The following CAPN1 variants were observed in gnomAD, a reference collection of about 807,000 sequenced individuals.
CAPN1 encodes the protein calpain-1 catalytic subunit.
A neutral mutation model predicts 105.2 loss-of-function variants in CAPN1; 77 were observed. The ratio of observed to expected loss-of-function variants is 0.73; its 90% CI spans 0.61 to 0.88. The LOEUF is 0.88. Among genes scored for constraint, CAPN1 ranks in the 40% least tolerant of loss-of-function variants. The pLI, the probability that CAPN1 is intolerant of heterozygous loss-of-function variation, is 0.00. For synonymous variants in CAPN1, 355 were observed against 388.8 expected, an observed-to-expected ratio of 0.91 and a Z score of 1.02; for missense variants, 833 against 976.6, an observed-to-expected ratio of 0.85 and a Z score of 1.96.
rs75873264 is a variant in CAPN1, at chr11:65,183,322, G to C, written c.337+125G>C. ...AGGCAGGATCTGGCTATCAGCGCTG[G>C]GGCTGGTTTGCCCAGATTCCTGGGT... On this transcript the variant is annotated intron_variant, in intron 3 of 21. Transcript: ENST00000279247. The C allele has an allele frequency of 6.9e-4, 807 of 1,163,098 alleles. 11 individuals are homozygous for C. In the East Asian group the frequency reaches 0.018, roughly 27 times the overall value. The allele number at this position is 1,163,098 out of a possible 1,614,324, so 72.0% of individuals were successfully genotyped here. A position where few individuals can be genotyped will look rare whatever the true frequency, so the allele number is the denominator to read the frequency against.
At chr11:65,184,426 A>G (rs1012588255) in intron 4 of CAPN1, among the ~76,000 whole-genome samples, 2 of 146,474 alleles carry the variant, frequency 1.4e-5, no homozygotes, top group Non-Finnish European at 3.0e-5. Flanking sequence ...CCAGTTCAGT[A>G]CCCGCCACCC....
chr11:65,187,033 CT>C lies in CAPN1; in HGVS notation c.760-181del, dbSNP rs17884384. 7.3e-4 allele frequency among the ~76,000 whole-genome samples: 111 copies of C among 152,316 alleles called. 1 individual carries two copies. The South Asian group carries it at 0.022, about 30-fold the overall frequency. On this transcript the variant is annotated intron_variant, in intron 6 of 21. Transcript: ENST00000279247. Reference sequence around the variant, plus strand: ...CATTGGTGGGGTACCCAGGCTACCCCTCTCCAAAAGAGCAGCATCTATATGT... The same window carrying C: ...CATTGGTGGGGTACCCAGGCTACCCCCTCCAAAAGAGCAGCATCTATATGT...
At chr11:65,201,920 T>C (rs1469120846) in intron 10 of CAPN1, among the ~76,000 whole-genome samples, 1 of 151,824 alleles carries the variant, frequency 6.6e-6, no homozygotes, top group Non-Finnish European at 1.5e-5. Context: ...CCTCCCGGGT[T>C]CAAGCGATTT....
intron 10 of CAPN1, among the ~76,000 whole-genome samples, chr11:65,195,648 AG>A (rs1948784004): frequency 6.6e-6 from 1 of 151,344 alleles, no homozygotes; most frequent in Admixed American, 6.6e-5. Flanking sequence ...TTTTTTTGGG[AG>A]GGGGTGGATT....
At chr11:65,189,447 GC>G (rs1948688974) in intron 10 of CAPN1, among the ~76,000 whole-genome samples, 1 of 152,038 alleles carries the variant, frequency 6.6e-6, no homozygotes, top group Non-Finnish European at 1.5e-5. Context: ...CCTTAGCTCA[GC>G]CCCCACCATG....
chr11:65,211,052 C>A, intron 21 of CAPN1, 180 bp downstream of exon 21: 1 of 741,134 alleles, frequency 1.3e-6, no homozygotes, highest in Non-Finnish European at 2.3e-6. Context: ...GGGAAAGGAG[C>A]AGGAGGGGAG....
chr11:65,189,863 A>T (rs748225403), intron 10 of CAPN1, among the ~76,000 whole-genome samples: 1 of 152,104 alleles, frequency 6.6e-6, no homozygotes, highest in Non-Finnish European at 1.5e-5. Flanking sequence ...TCTCACCTCG[A>T]TATCTCCCCA....
chr11:65,183,087 G>T, intron 2 of CAPN1, 41 bp from the exon 3 acceptor site: 1 of 1,612,672 alleles, frequency 6.2e-7, no homozygotes, highest in Non-Finnish European at 8.5e-7. Context: ...CCAATTTCTG[G>T]GAGGGGCTGG....
intron 10 of CAPN1, 145 bp from the exon 11 acceptor site, chr11:65,204,538 C>T (rs1306050408): frequency 1.3e-5 from 10 of 749,694 alleles, no homozygotes; most frequent in Non-Finnish European, 1.9e-5. Context: ...CTGGCCCAGC[C>T]TGCCCATCAC....
chr11:65,198,136 C>T (rs1414092185), intron 10 of CAPN1, among the ~76,000 whole-genome samples: 4 of 103,704 alleles, frequency 3.9e-5, no homozygotes, highest in African/African-American at 1.1e-4. Context: ...GTTAGTTAAT[C>T]AGTGTCTTTT....
In CAPN1 at chr11:65,208,323, C is replaced by T. The variant is rs923130049; in HGVS notation, c.1729+61C>T. The T allele has an allele frequency of 3.2e-5, 47 of 1,447,280 alleles. No homozygotes were observed. In the African/African-American group the frequency reaches 4.9e-4, roughly 15 times the overall value. 89.7% of individuals were successfully genotyped at this position (1,447,280 alleles called of 1,614,324 possible). ...TTTCTTCCACATCAGAATCCAGGCTCCTGCTCACACATTGAGCTGAACCTC... is the reference window on the plus strand; with the variant it reads ...TTTCTTCCACATCAGAATCCAGGCTTCTGCTCACACATTGAGCTGAACCTC... On this transcript the variant is annotated intron_variant, in intron 16 of 21. Transcript: ENST00000279247. The surrounding 1 kb of genome is among the most constrained non-coding windows in gnomAD (Gnocchi z 4.1).
intron 13 of CAPN1, 41 bp from the exon 14 acceptor site, chr11:65,206,739 G>A (rs994747355): frequency 6.2e-7 from 1 of 1,611,644 alleles, no homozygotes; most frequent in Non-Finnish European, 8.5e-7. Context: ...GCCCTCTGCT[G>A]TCCCCCTCTG....
intron 2 of CAPN1, 64 bp downstream of exon 2, chr11:65,183,032 G>C: frequency 6.2e-7 from 1 of 1,608,020 alleles, no homozygotes; most frequent in Non-Finnish European, 8.5e-7. Context: ...GTAGGGATGG[G>C]ACTCCATGTC....
chr11:65,191,268 C>A (rs78147355), intron 10 of CAPN1, among the ~76,000 whole-genome samples: 1 of 152,080 alleles, frequency 6.6e-6, no homozygotes, highest in Non-Finnish European at 1.5e-5. Context: ...ATGCTAGGTA[C>A]ACTATAATTT....
intron 10 of CAPN1, among the ~76,000 whole-genome samples, chr11:65,189,716 T>C (rs1180700241): frequency 6.6e-6 from 1 of 152,192 alleles, no homozygotes; most frequent in Non-Finnish European, 1.5e-5. Flanking sequence ...TCCACTGGCT[T>C]GGGAACCATT....
At chr11:65,196,524 C>CAGTA (rs1948794634) in intron 10 of CAPN1, among the ~76,000 whole-genome samples, 1 of 152,074 alleles carries the variant, frequency 6.6e-6, no homozygotes, top group African/African-American at 2.4e-5. Context: ...TTGAAATATA[C>CAGTA]AGTAAACTAC....
intron 10 of CAPN1, among the ~76,000 whole-genome samples, chr11:65,194,685 T>C (rs1445876084): frequency 6.6e-6 from 1 of 152,210 alleles, no homozygotes; most frequent in East Asian, 1.9e-4. Context: ...TCAAGCTTCA[T>C]TTATGGTGTA....
chr11:65,197,888 GAA>G (rs71049687), intron 10 of CAPN1, among the ~76,000 whole-genome samples: 13 of 83,468 alleles, frequency 1.6e-4, no homozygotes, highest in East Asian at 3.7e-4. Flanking sequence ...AACTCTATCT[GAA>G]AAAAAAAAAA....
rs1392804787 is a variant in CAPN1 at position 65,206,768 on chromosome 11, C to G, written c.1566-12C>G. ...CCCTCTGACTGGCTCCTTTCCTCCC[C>G]ACTCTCTGCAGGGAGCTGGATGACC... On this transcript the variant is annotated splice_polypyrimidine_tract_variant and intron_variant, in intron 13 of 21. Coordinates refer to ENST00000279247, the MANE Select transcript of CAPN1 (RefSeq NM_005186.4). 6.2e-7 allele frequency: 1 copy of G among 1,612,722 alleles called. No individual in the cohort carries two copies. The highest frequency in any genetic ancestry group is 8.5e-7 in the Non-Finnish European group (1 of 1,179,502).
Sources: gnomAD v4.1 joint callset for allele counts (sites outside exome capture counted in the v4.1 genomes callset) on GRCh38, gnomAD v4.1.1 for gene constraint, Gnocchi (gnomAD v3.1) non-coding constraint, MANE v1.5 for transcripts, NCBI Gene and HGNC (gene_info 2026-07-23, HGNC 2026-07-21) for gene names.